SLC25A26: variants seen among roughly 807,000 people sequenced by gnomAD.
SLC25A26 encodes solute carrier family 25 member 26.
SLC25A26 carries 36 observed loss-of-function variants against 37.8 expected under a neutral mutation model. That is an observed-to-expected ratio of 0.95 (90% CI 0.73 to 1.26). The LOEUF (loss-of-function observed/expected upper bound fraction) is 1.26. Among genes scored for constraint, SLC25A26 ranks in the 50% most tolerant of loss-of-function variants. The pLI is 0.00. For synonymous variants in SLC25A26, 129 were observed against 122.5 expected (o/e 1.05, Z -0.35); for missense variants, 390 against 331.1 (o/e 1.18, Z -1.38).
At chr3:66,346,309 G>A in intron 5 of SLC25A26, 55 bp from the exon 6 acceptor site, 1 of 898,860 alleles carries the variant, frequency 1.1e-6, no homozygotes, top group Non-Finnish European at 1.7e-6. Context: ...TAGTCATACA[G>A]GCAAACTTGG....
chr3:66,231,788 A>G (rs1299917171), intron 1 of SLC25A26, among the ~76,000 whole-genome samples: 5 of 137,258 alleles, frequency 3.6e-5, no homozygotes, highest in Admixed American at 2.3e-4. Flanking sequence ...TTGATTAGAG[A>G]CAGGATCTTG....
At chr3:66,277,401 G>A (rs1216816189) in intron 5 of SLC25A26, among the ~76,000 whole-genome samples, 2 of 152,250 alleles carry the variant, frequency 1.3e-5, no homozygotes, top group African/African-American at 4.8e-5. Context: ...ATTCATAGAA[G>A]CAGAGAGTAG....
chr3:66,169,202 G>A (rs1230334322), intron 1 of SLC25A26, among the ~76,000 whole-genome samples: 1 of 152,172 alleles, frequency 6.6e-6, no homozygotes, highest in Non-Finnish European at 1.5e-5. Flanking sequence ...GGACCAGAGT[G>A]TTCTTAAAAA....
At chr3:66,156,457 AG>A (rs1337779900) in intron 1 of SLC25A26, among the ~76,000 whole-genome samples, 1 of 57,120 alleles carries the variant, frequency 1.8e-5, no homozygotes, top group Non-Finnish European at 4.3e-5. Context: ...TGATAGGGCC[AG>A]GGGTGGGAAG....
At chr3:66,322,937 C>G (rs1467356786) in intron 5 of SLC25A26, among the ~76,000 whole-genome samples, 1 of 152,112 alleles carries the variant, frequency 6.6e-6, no homozygotes, top group South Asian at 2.1e-4. Flanking sequence ...TTTTTACCTT[C>G]TTGGTTTTTA....
chr3:66,201,310 T>C (rs991943681), intron 1 of SLC25A26, among the ~76,000 whole-genome samples: 4 of 151,918 alleles, frequency 2.6e-5, no homozygotes, highest in African/African-American at 7.2e-5. Flanking sequence ...TGTTGATATA[T>C]ATAAAGATTG....
chr3:66,329,367 A>G (rs2075915732), intron 5 of SLC25A26, among the ~76,000 whole-genome samples: 1 of 152,212 alleles, frequency 6.6e-6, no homozygotes, highest in Non-Finnish European at 1.5e-5. Flanking sequence ...TTAGAAAGTC[A>G]TTCAAATTTT....
chr3:66,314,627 C>A (rs143945282), intron 5 of SLC25A26, among the ~76,000 whole-genome samples: 1 of 151,952 alleles, frequency 6.6e-6, no homozygotes, highest in Non-Finnish European at 1.5e-5. Flanking sequence ...ATGATGCTGG[C>A]GTCATAGAAT....
upstream of SLC25A26, chr3:66,220,692 C>G (rs1340405138): frequency 3.6e-6 from 1 of 277,516 alleles, no homozygotes. Context: ...TTAGTACTAC[C>G]CCTCACGACT....
At chr3:66,246,551 T>C (rs2072850171) in intron 3 of SLC25A26, among the ~76,000 whole-genome samples, 1 of 152,184 alleles carries the variant, frequency 6.6e-6, no homozygotes, top group Non-Finnish European at 1.5e-5. Context: ...TTTACAAATA[T>C]TATGTCATAA....
intron 3 of SLC25A26, among the ~76,000 whole-genome samples, chr3:66,252,729 A>ATC (rs1162972638): frequency 2.0e-5 from 3 of 152,222 alleles, no homozygotes; most frequent in African/African-American, 7.2e-5. Flanking sequence ...TGGGAAAGGT[A>ATC]TCTATTCAGA....
chr3:66,306,813 A>G (rs1032487914), intron 5 of SLC25A26, among the ~76,000 whole-genome samples: 10 of 152,178 alleles, frequency 6.6e-5, no homozygotes, highest in African/African-American at 1.4e-4. Context: ...AGCTTCATCC[A>G]TGTCCCTGCA....
intron 1 of SLC25A26, among the ~76,000 whole-genome samples, chr3:66,181,055 G>C (rs997102005): frequency 3.3e-5 from 5 of 152,178 alleles, no homozygotes; most frequent in African/African-American, 1.2e-4. Context: ...AACCCTGCTG[G>C]TACCTTGATC....
At chr3:66,279,521 T>G (rs905729893) in intron 5 of SLC25A26, among the ~76,000 whole-genome samples, 6 of 152,318 alleles carry the variant, frequency 3.9e-5, no homozygotes, top group African/African-American at 9.6e-5. Context: ...CTGATTTTTT[T>G]GGGGAGGTGG....
chr3:66,272,062 C>G (rs542800436), intron 5 of SLC25A26, among the ~76,000 whole-genome samples: 3 of 152,020 alleles, frequency 2.0e-5, no homozygotes, highest in African/African-American at 7.2e-5. Context: ...ATGTAAACAC[C>G]TAAAAAATGT....
At chr3:66,233,194 T>G (rs144427401) in intron 1 of SLC25A26, among the ~76,000 whole-genome samples, 34 of 152,362 alleles carry the variant, frequency 2.2e-4, no homozygotes, top group East Asian at 1.4e-3. Flanking sequence ...AAAAAAGTTT[T>G]ATAGCATGTA....
intron 3 of SLC25A26, among the ~76,000 whole-genome samples, chr3:66,244,663 C>A (rs951094468): frequency 6.6e-6 from 1 of 152,086 alleles, no homozygotes; most frequent in African/African-American, 2.4e-5. Flanking sequence ...CAGTCTGTTC[C>A]TACCATGTGT....
intron 5 of SLC25A26, among the ~76,000 whole-genome samples, chr3:66,321,773 T>C (rs2107644737): frequency 6.6e-6 from 1 of 151,778 alleles, no homozygotes; most frequent in East Asian, 2.0e-4. Context: ...TTTCTTATTT[T>C]GAGAGTGGTG....
intron 6 of SLC25A26, 121 bp downstream of exon 6, chr3:66,346,529 T>A: frequency 2.1e-6 from 1 of 486,072 alleles, no homozygotes; most frequent in Non-Finnish European, 3.6e-6. Flanking sequence ...TATTAGCAGT[T>A]GAAAATATAT....
Sources: gnomAD v4.1 joint callset for allele counts (sites outside exome capture counted in the v4.1 genomes callset) on GRCh38, gnomAD v4.1.1 for gene constraint, MANE v1.5 for transcripts, NCBI Gene and HGNC (gene_info 2026-07-23, HGNC 2026-07-21) for gene names.